The following DUS3L variants were observed in gnomAD, a reference collection of about 807,000 sequenced individuals.
The protein encoded by DUS3L is dihydrouridine synthase 3 like.
DUS3L carries 62 observed loss-of-function variants against 74.6 expected under a neutral mutation model. That is an observed-to-expected ratio of 0.83 (90% CI 0.68 to 1.03). The LOEUF (loss-of-function observed/expected upper bound fraction) is 1.03. Ranked by LOEUF, DUS3L falls within the 50% of genes least tolerant of loss-of-function variation. The probability of loss-of-function intolerance (pLI) is 0.00; values close to 1 mark genes in which losing one functional copy is unlikely to be tolerated. For synonymous variants in DUS3L, 433 were observed against 395.7 expected, an observed-to-expected ratio of 1.09 and a Z score of -1.12; for missense variants, 884 against 924.4, an observed-to-expected ratio of 0.96 and a Z score of 0.57.
rs1028583356 is a variant in DUS3L at position 5,786,047 on chromosome 19, G to A, written c.1563-256C>T. 7.8e-6 allele frequency: 4 copies of A among 513,878 alleles called. No individual in the cohort carries two copies. In the African/African-American group the frequency reaches 7.8e-5, roughly 10 times the overall value. The allele number at this position is 513,878 out of a possible 1,614,324, so 31.8% of individuals were successfully genotyped here. On this transcript the variant is annotated intron_variant, in intron 10 of 12. Coordinates refer to ENST00000309061, the MANE Select transcript of DUS3L (RefSeq NM_020175.3). The stretch of plus-strand genomic sequence containing the variant: ...TCACTGTTCAACCTCCGTCTCCCAG[G>A]TTCAGGCAATTGTCCTGCCTCAGCC...
chr19:5,786,270 C>T (rs901693046), intron 10 of DUS3L, among the ~76,000 whole-genome samples, 197 bp downstream of exon 10: 1 of 152,186 alleles, frequency 6.6e-6, no homozygotes, highest in African/African-American at 2.4e-5. Flanking sequence ...TTTCAACCCA[C>T]AATCATCAGA....
Position 5,785,625 on chromosome 19 carries a change from C to G in DUS3L, c.1729G>C (p.Glu577Gln), listed in dbSNP as rs566932517. Residue 577 changes from glutamate (E) to glutamine (Q), a missense_variant, in exon 11 of 13, where the codon GAG (glutamate) becomes CAG (glutamine). Physicochemically the swap from Glu to Gln is conservative, Grantham distance 29. Transcript: ENST00000309061. ...CACCGGCACAGGAAGGACAGCCACT[C>G]GAGCAGAAAGCGCCGGGTCTTCTCC... Reference protein sequence around the residue: ...GVEKTRRFLLEWLSFLCRYVP... With the variant: ...GVEKTRRFLLQWLSFLCRYVP... 7.5e-6 allele frequency: 12 copies of G among 1,608,610 alleles called. No homozygotes were observed. Among genetic ancestry groups the G allele is most frequent in the Non-Finnish European group, 1.0e-5 (12 of 1,177,762 alleles).
chr19:5,790,562 A>C (rs2056900078), intron 1 of DUS3L, among the ~76,000 whole-genome samples: 1 of 152,138 alleles, frequency 6.6e-6, no homozygotes, highest in South Asian at 2.1e-4. Context: ...TATCAGGTTC[A>C]GTCAAGAACG....
In DUS3L at chr19:5,786,860, G is replaced by A. The variant is rs763164224; in HGVS notation, c.1390-15C>T. On this transcript the variant is annotated splice_polypyrimidine_tract_variant and intron_variant, in intron 8 of 12. Transcript: ENST00000309061. Reference sequence around the variant, plus strand: ...CGGCCGTGGAGCTGGGGGAGAAGCCGCCACGCAGGGTAGGAGGCAGAGAGT... The same window carrying A: ...CGGCCGTGGAGCTGGGGGAGAAGCCACCACGCAGGGTAGGAGGCAGAGAGT... The A allele has an allele frequency of 3.6e-5, 57 of 1,598,616 alleles. No homozygotes were observed. The highest frequency in any genetic ancestry group is 4.0e-5 in the African/African-American group (3 of 74,818).
chr19:5,789,348 G>C lies in DUS3L; in HGVS notation c.759C>G (p.Gly253=). ...CACCACAGTTTTCCTGCCTGGGAGC[G>C]CCCTCGGCTGCCGTGCCCTCGGGGA... is the stretch of plus-strand genomic sequence containing the variant. ...AAVPEGTAAE[G]APRQENCGAQ... The change falls in exon 3 of 13, where the codon GGC becomes GGG. Residue 253 remains glycine, a synonymous_variant. Coordinates refer to ENST00000309061, the MANE Select transcript of DUS3L (RefSeq NM_020175.3). 1.3e-6 allele frequency: 2 copies of C among 1,597,474 alleles called. No individual in the cohort carries two copies. Among genetic ancestry groups the C allele is most frequent in the Non-Finnish European group, 1.7e-6 (2 of 1,173,490 alleles).
chr19:5,787,368 G>A lies in DUS3L; in HGVS notation c.1213-7C>T, dbSNP rs914893698. 1.5e-5 allele frequency: 24 copies of A among 1,613,192 alleles called. No homozygotes were observed. Among genetic ancestry groups the A allele is most frequent in the African/African-American group, 4.0e-5 (3 of 74,840 alleles). ...TGAGGGCACAGCCCCCACCCTGGAA[G>A]AGACAGGCGGGTGGAGGGAGGGCAG... is the stretch of plus-strand genomic sequence containing the variant. On this transcript the variant is annotated splice_polypyrimidine_tract_variant and splice_region_variant and intron_variant, in intron 6 of 12. Coordinates refer to ENST00000309061, the MANE Select transcript of DUS3L (RefSeq NM_020175.3).
At chr19:5,789,915 G>A (rs1331627264) in intron 2 of DUS3L, 132 bp downstream of exon 2, 3 of 1,353,864 alleles carry the variant, frequency 2.2e-6, no homozygotes, top group African/African-American at 2.9e-5. Context: ...GGAGAATGAA[G>A]ACGGAATGGC....
At chr19:5,785,302 G>C in intron 12 of DUS3L, 27 bp from the exon 13 acceptor site, 1 of 1,609,990 alleles carries the variant, frequency 6.2e-7, no homozygotes, top group African/African-American at 1.3e-5. Context: ...GGAAAGCGAG[G>C]TCAGGCCCAG....
At chr19:5,787,852 C>A (rs759388019) in intron 5 of DUS3L, 147 bp from the exon 6 acceptor site, 3 of 1,429,274 alleles carry the variant, frequency 2.1e-6, no homozygotes, top group African/African-American at 2.8e-5. Flanking sequence ...GTCTGCGAGG[C>A]ACCGGTCCCC....
At chr19:5,787,903 C>A in intron 5 of DUS3L, 121 bp downstream of exon 5, 1 of 1,483,104 alleles carries the variant, frequency 6.7e-7, no homozygotes, top group South Asian at 1.3e-5. Context: ...CAGGGCATCA[C>A]CCCCACTCCA....
intron 8 of DUS3L, 102 bp from the exon 9 acceptor site, chr19:5,786,947 G>A (rs2056849251): frequency 6.7e-6 from 10 of 1,491,140 alleles, no homozygotes; most frequent in South Asian, 3.9e-5. Flanking sequence ...AGACACAGGC[G>A]GAGACAGAGG....
At chr19:5,790,640 C>A (rs1212722234) in intron 1 of DUS3L, among the ~76,000 whole-genome samples, 1 of 152,180 alleles carries the variant, frequency 6.6e-6, no homozygotes, top group African/African-American at 2.4e-5. Context: ...TCTAAGCCAC[C>A]ACATTTCCCA....
At chr19:5,786,932 G>T in intron 8 of DUS3L, 87 bp from the exon 9 acceptor site, 1 of 1,504,848 alleles carries the variant, frequency 6.6e-7, no homozygotes, top group East Asian at 2.4e-5. Flanking sequence ...GAGAGAGACA[G>T]AGAGAGACAC....
In DUS3L at chr19:5,787,211, G is replaced by GAC. The variant is rs2056859275; in HGVS notation, c.1279-41_1279-40insGT. 2.0e-6 allele frequency: 3 copies of GAC among 1,493,240 alleles called. No homozygotes were observed. The African/African-American group carries it at 4.1e-5, about 21-fold the overall frequency. The allele number at this position is 1,493,240 out of a possible 1,614,324, so 92.5% of individuals were successfully genotyped here. A position where few individuals can be genotyped will look rare whatever the true frequency, so the allele number is the denominator to read the frequency against. On this transcript the variant is annotated intron_variant, in intron 7 of 12. Transcript: ENST00000309061. ...TGGGAGGTGGTGGGAGATGGTGGGA[G>GAC]GTGGTGGGAGACGGTGGGAGGTGGT...
intron 2 of DUS3L, 104 bp from the exon 3 acceptor site, chr19:5,789,823 T>C: frequency 6.8e-7 from 1 of 1,461,558 alleles, no homozygotes; most frequent in Non-Finnish European, 9.2e-7. Context: ...CTTGTGTCCC[T>C]GAGCAAGTCA....
chr19:5,785,695 G>T lies in DUS3L; in HGVS notation c.1659C>A (p.Phe553Leu). ...SSERLDILRDFTNYGLEHWGS... is the reference protein window; with the variant it reads ...SSERLDILRDLTNYGLEHWGS... ...CCCAGTGCTCCAGGCCGTAGTTGGT[G>T]AAGTCCCGCAGGATGTCCAGGCGCT... Residue 553 changes from phenylalanine (F) to leucine (L), a missense_variant, in exon 11 of 13, where the codon TTC becomes TTA. Physicochemically the swap from Phe to Leu is conservative, Grantham distance 22. Coordinates refer to ENST00000309061, the MANE Select transcript of DUS3L (RefSeq NM_020175.3). 1 of 1,612,612 alleles carries T rather than the reference G, an allele frequency of 6.2e-7. No individual in the cohort carries two copies.
chr19:5,786,659 A>AG, intron 9 of DUS3L, 90 bp downstream of exon 9: 1 of 1,572,126 alleles, frequency 6.4e-7, no homozygotes, highest in Admixed American at 1.8e-5. Context: ...GGGTGGTACG[A>AG]GGGGGTCCCA....
rs746204858 is a variant in DUS3L, at chr19:5,791,091, G to T, written c.51C>A (p.Asp17Glu). The change falls in exon 1 of 13, where the codon GAC becomes GAA. Residue 17 changes from aspartate to glutamate, a missense_variant. Asp to Glu is a conservative substitution (Grantham distance 45). Transcript: ENST00000309061. ...CTCGTTCCAAAGCTCCGGCTCCCGA[G>T]TCGCCACCACCACCATTCTCTAGAG... is the stretch of plus-strand genomic sequence containing the variant. ...EAPLENGGGG[D>E]SGAGALERGV... is the part of the protein sequence containing the mutation. 3 of 1,609,436 alleles carry T rather than the reference G, an allele frequency of 1.9e-6. No individual in the cohort carries two copies. In the African/African-American group the frequency reaches 4.0e-5, roughly 21 times the overall value.
intron 5 of DUS3L, 112 bp from the exon 6 acceptor site, chr19:5,787,817 G>A: frequency 6.8e-7 from 1 of 1,460,488 alleles, no homozygotes; most frequent in Non-Finnish European, 9.4e-7. Flanking sequence ...CTCTCTCGGG[G>A]CCTCCCCGGA....
Sources: gnomAD v4.1 joint callset for allele counts (sites outside exome capture counted in the v4.1 genomes callset) on GRCh38, gnomAD v4.1.1 for gene constraint, MANE v1.5 for transcripts, NCBI Gene and HGNC (gene_info 2026-07-23, HGNC 2026-07-21) for gene names.